ADGRB3: variants seen among roughly 807,000 people sequenced by gnomAD.
ADGRB3 encodes the protein adhesion G protein-coupled receptor B3.
Under a neutral mutation model 193.4 loss-of-function variants are expected in ADGRB3, and 37 were observed. The observed-to-expected ratio is 0.19, with a 90% CI of 0.15 to 0.25. The LOEUF (loss-of-function observed/expected upper bound fraction) is 0.25. ADGRB3 is among the 10% of genes least tolerant of loss of function. The pLI is 1.00. For missense variants in ADGRB3, 1,637 were observed against 1,852.9 expected (o/e 0.88, Z 2.14); for synonymous variants, 690 against 644.2 (o/e 1.07, Z -1.08).
chr6:69,318,259 T>A (rs977206471), intron 20 of ADGRB3, among the ~76,000 whole-genome samples: 1 of 151,490 alleles, frequency 6.6e-6, no homozygotes, highest in Non-Finnish European at 1.5e-5. Flanking sequence ...CTTCAATATA[T>A]AATTTCCAAA....
Position 68,936,641 on chromosome 6 carries a change from A to C in ADGRB3, c.991A>C (p.Arg331=), listed in dbSNP as rs1767492925. The C allele has an allele frequency of 1.2e-6, 2 of 1,613,774 alleles. No homozygotes were observed. The highest frequency in any genetic ancestry group is 1.7e-6 in the Non-Finnish European group (2 of 1,179,912). ...CGGGACACACTGCAGCGGCCCATTA[A>C]GAGAATCAAGGGTTTGCAATAACAC... The part of the protein sequence containing the change: ...PYGTHCSGPL[R]ESRVCNNTAL... The change falls in exon 5 of 32, where the codon AGA becomes CGA. Residue 331 remains arginine, a synonymous_variant. Transcript: ENST00000370598.
chr6:69,074,013 T>G (rs189803668), intron 16 of ADGRB3, among the ~76,000 whole-genome samples: 2 of 152,320 alleles, frequency 1.3e-5, no homozygotes, highest in Admixed American at 6.5e-5. Context: ...GTCTATTATT[T>G]AAGAGTGGCT....
intron 20 of ADGRB3, among the ~76,000 whole-genome samples, chr6:69,249,906 T>C (rs2127266266): frequency 6.6e-6 from 1 of 152,346 alleles, no homozygotes; most frequent in African/African-American, 2.4e-5. Context: ...TTAAGATGTA[T>C]GAAATTCAAA....
chr6:69,218,454 G>A (rs908267315), intron 17 of ADGRB3, among the ~76,000 whole-genome samples: 1 of 152,128 alleles, frequency 6.6e-6, no homozygotes, highest in Admixed American at 6.6e-5. Context: ...GTGCATAAAT[G>A]TGAACAATAG....
At chr6:68,762,634 T>C (rs1766433882) in intron 3 of ADGRB3, among the ~76,000 whole-genome samples, 2 of 152,076 alleles carry the variant, frequency 1.3e-5, no homozygotes, top group Admixed American at 1.3e-4. Flanking sequence ...CATAAACATA[T>C]TTGCTTAAAT....
chr6:69,353,795 G>A (rs1769278109), intron 26 of ADGRB3, among the ~76,000 whole-genome samples: 1 of 152,170 alleles, frequency 6.6e-6, no homozygotes, highest in African/African-American at 2.4e-5. Context: ...AGGGCACGGT[G>A]GCTCATGCCT....
chr6:68,821,075 A>C (rs1247943376), intron 3 of ADGRB3, among the ~76,000 whole-genome samples: 1 of 152,032 alleles, frequency 6.6e-6, no homozygotes, highest in African/African-American at 2.4e-5. Context: ...ACCTTAATAA[A>C]AATGAAACTT....
intron 11 of ADGRB3, among the ~76,000 whole-genome samples, chr6:69,003,063 A>T (rs924304637): frequency 6.6e-6 from 1 of 152,216 alleles, no homozygotes; most frequent in African/African-American, 2.4e-5. Context: ...TCTATTCAAC[A>T]ATATGGGATA....
rs79559141 is a variant in ADGRB3 at position 68,719,510 on chromosome 6, T to A, written c.757+80078T>A. The stretch of plus-strand genomic sequence containing the variant: ...GCGTAAGATAAATTAATTTAAGTCA[T>A]ATTATAAATTCTATAAGAGAACTCT... On this transcript the variant is annotated intron_variant, in intron 3 of 31. Coordinates refer to ENST00000370598, the MANE Select transcript of ADGRB3 (RefSeq NM_001704.3). Among the ~76,000 whole-genome samples the A allele has an allele frequency of 2.6e-3, 402 of 151,900 alleles. 7 individuals are homozygous for A. The East Asian group carries it at 0.054, about 21-fold the overall frequency.
intron 11 of ADGRB3, among the ~76,000 whole-genome samples, chr6:69,008,028 G>T (rs949523803): frequency 1.3e-5 from 2 of 151,998 alleles, no homozygotes; most frequent in Non-Finnish European, 2.9e-5. Context: ...GCCAAACACC[G>T]CAGGAAGCTT....
chr6:68,942,811 A>G (rs569126025), intron 5 of ADGRB3, among the ~76,000 whole-genome samples: 11 of 152,196 alleles, frequency 7.2e-5, no homozygotes, highest in African/African-American at 2.6e-4. Context: ...GTGTTTCACT[A>G]TTTTGGCCAG....
intron 20 of ADGRB3, among the ~76,000 whole-genome samples, chr6:69,254,866 C>A (rs1766718152): frequency 8.6e-6 from 1 of 115,708 alleles, no homozygotes; most frequent in Admixed American, 1.1e-4. Flanking sequence ...CCTCCCCCCA[C>A]CCCACAACAG....
intron 13 of ADGRB3, among the ~76,000 whole-genome samples, chr6:69,027,074 T>C (rs1770453234): frequency 6.6e-6 from 1 of 152,202 alleles, no homozygotes; most frequent in African/African-American, 2.4e-5. Flanking sequence ...TTTTACTTTA[T>C]AAACTTTTTT....
chr6:69,290,080 G>C (rs1030276827), intron 20 of ADGRB3, among the ~76,000 whole-genome samples: 2 of 152,046 alleles, frequency 1.3e-5, no homozygotes, highest in African/African-American at 4.8e-5. Flanking sequence ...AGCCATTTCA[G>C]TTCAAGTTGC....
chr6:68,749,368 T>G (rs1423731642), intron 3 of ADGRB3, among the ~76,000 whole-genome samples: 1 of 151,784 alleles, frequency 6.6e-6, no homozygotes, highest in Non-Finnish European at 1.5e-5. Context: ...TGTGATCATA[T>G]AAGTTAATAC....
At chr6:68,652,922 T>C (rs1211360969) in intron 3 of ADGRB3, among the ~76,000 whole-genome samples, 1 of 152,142 alleles carries the variant, frequency 6.6e-6, no homozygotes, top group Non-Finnish European at 1.5e-5. Flanking sequence ...CAGTAGATAA[T>C]TGAGATGTCA....
chr6:69,382,245 A>G (rs1183373489), intron 30 of ADGRB3, among the ~76,000 whole-genome samples: 2 of 151,934 alleles, frequency 1.3e-5, no homozygotes, highest in Admixed American at 6.6e-5. Context: ...GATGAAATCT[A>G]TGGGTCAGAT....
At chr6:69,373,292 C>T (rs892040431) in intron 30 of ADGRB3, among the ~76,000 whole-genome samples, 4 of 152,008 alleles carry the variant, frequency 2.6e-5, no homozygotes, top group Non-Finnish European at 5.9e-5. Context: ...CCTCCCAGAA[C>T]GTGCTAACTA....
intron 20 of ADGRB3, among the ~76,000 whole-genome samples, chr6:69,287,528 T>C (rs1205202140): frequency 2.6e-5 from 4 of 152,138 alleles, no homozygotes; most frequent in Non-Finnish European, 4.4e-5. Flanking sequence ...TCAAACTAGG[T>C]ATCTTCACAA....
Sources: gnomAD v4.1 joint callset for allele counts (sites outside exome capture counted in the v4.1 genomes callset) on GRCh38, gnomAD v4.1.1 for gene constraint, MANE v1.5 for transcripts, NCBI Gene and HGNC (gene_info 2026-07-23, HGNC 2026-07-21) for gene names.